ADK: variants seen among roughly 807,000 people sequenced by gnomAD.
The protein encoded by ADK is adenosine kinase.
A neutral mutation model predicts 44.7 loss-of-function variants in ADK; 24 were observed. The ratio of observed to expected loss-of-function variants is 0.54; its 90% CI spans 0.39 to 0.76. ADK has a LOEUF of 0.76. Ranked by LOEUF, ADK falls within the 30% of genes least tolerant of loss-of-function variation. The pLI, the probability that ADK is intolerant of heterozygous loss-of-function variation, is 0.00. For missense variants in ADK, 321 were observed against 425.1 expected (o/e 0.76, Z 2.15); for synonymous variants, 128 against 142.6 (o/e 0.90, Z 0.73).
intron 7 of ADK, among the ~76,000 whole-genome samples, chr10:74,588,532 G>A (rs1405002250): frequency 1.3e-5 from 2 of 152,088 alleles, no homozygotes; most frequent in Non-Finnish European, 2.9e-5. Context: ...TAGACTGCAA[G>A]TTACTGGACT....
intron 10 of ADK, among the ~76,000 whole-genome samples, chr10:74,699,701 G>A (rs1198741458): frequency 3.9e-5 from 6 of 152,120 alleles, no homozygotes; most frequent in Non-Finnish European, 7.4e-5. Flanking sequence ...AAAATAGAGG[G>A]TGAAAGACCA....
intron 9 of ADK, among the ~76,000 whole-genome samples, chr10:74,607,118 C>T (rs1416847844): frequency 2.0e-5 from 3 of 152,156 alleles, no homozygotes; most frequent in Non-Finnish European, 2.9e-5. Flanking sequence ...TTTGAACCTA[C>T]GTGTGTCTTT....
At chr10:74,300,287 CTTCCTTCCTTCCTTCCTTCCTTCT>C (rs1372005200) in intron 3 of ADK, among the ~76,000 whole-genome samples, 2,428 of 82,248 alleles carry the variant, frequency 0.03, 121 homozygotes, top group African/African-American at 0.053. Flanking sequence ...TCCTTCCTTC[CTTCCTTCCTTCCTTCCTTCCTTCT>C]TTCCTTCCTT....
chr10:74,314,750 G>T lies in ADK; in HGVS notation c.273+5G>T. 1.9e-6 allele frequency: 3 copies of T among 1,600,610 alleles called. No homozygotes were observed. The stretch of plus-strand genomic sequence containing the variant: ...AATTCAATTAAAGTGGCTCAGGTTG[G>T]TTAATTATTTTAAAAGTTAAAAGGA... On this transcript the variant is annotated splice_donor_5th_base_variant and intron_variant, in intron 4 of 10. Transcript: ENST00000539909.
At chr10:74,626,474 T>G (rs1454117178) in intron 9 of ADK, among the ~76,000 whole-genome samples, 1 of 152,064 alleles carries the variant, frequency 6.6e-6, no homozygotes, top group East Asian at 1.9e-4. Context: ...GCTAATTTTT[T>G]GTATTTTTAG....
At chr10:74,269,878 G>T (rs187102229) in intron 3 of ADK, among the ~76,000 whole-genome samples, 81 of 152,184 alleles carry the variant, frequency 5.3e-4, no homozygotes, top group Admixed American at 2.2e-3. Flanking sequence ...CGTGCCAGTA[G>T]TCCCAGCTAC....
At chr10:74,449,015 A>G (rs2133177237) in intron 6 of ADK, among the ~76,000 whole-genome samples, 1 of 152,326 alleles carries the variant, frequency 6.6e-6, no homozygotes, top group South Asian at 2.1e-4. Context: ...TAGGGAAGAT[A>G]GAGTGAGAAT....
chr10:74,695,504 GT>G (rs1856150270), intron 10 of ADK, among the ~76,000 whole-genome samples: 1 of 150,848 alleles, frequency 6.6e-6, no homozygotes, highest in African/African-American at 2.4e-5. Flanking sequence ...GTGTATGTGT[GT>G]ATGTGTGTAT....
At chr10:74,496,960 C>G (rs1847711801) in intron 6 of ADK, among the ~76,000 whole-genome samples, 1 of 151,798 alleles carries the variant, frequency 6.6e-6, no homozygotes, top group Non-Finnish European at 1.5e-5. Context: ...ATTCTGTTTT[C>G]TTTCTCCTCC....
intron 7 of ADK, chr10:74,529,182 A>G (rs918459332): frequency 6.6e-6 from 1 of 152,228 alleles, no homozygotes; most frequent in African/African-American, 2.4e-5. Flanking sequence ...AGCCTTAAAT[A>G]AAATTTTGAT....
At chr10:74,689,190 A>C (rs1469010178) in intron 10 of ADK, among the ~76,000 whole-genome samples, 1 of 152,060 alleles carries the variant, frequency 6.6e-6, no homozygotes, top group African/African-American at 2.4e-5. Flanking sequence ...TGGAGCTTGC[A>C]GTGAGCCAAG....
intron 7 of ADK, among the ~76,000 whole-genome samples, chr10:74,538,461 A>G (rs1849527286): frequency 6.6e-6 from 1 of 152,216 alleles, no homozygotes; most frequent in African/African-American, 2.4e-5. Flanking sequence ...AATCTCGTTT[A>G]TCAACAAACG....
chr10:74,216,001 AC>A (rs1844001001), intron 2 of ADK, among the ~76,000 whole-genome samples: 1 of 152,018 alleles, frequency 6.6e-6, no homozygotes, highest in Non-Finnish European at 1.5e-5. Flanking sequence ...GTGATTTGAT[AC>A]CCCTTTTATT....
intron 8 of ADK, among the ~76,000 whole-genome samples, chr10:74,592,159 T>TTA (rs1012518829): frequency 3.9e-5 from 6 of 152,060 alleles, no homozygotes; most frequent in Admixed American, 3.9e-4. Context: ...GAGGATTTTT[T>TTA]TATATATATA....
At chr10:74,342,976 C>T (rs1841636294) in intron 4 of ADK, among the ~76,000 whole-genome samples, 1 of 151,850 alleles carries the variant, frequency 6.6e-6, no homozygotes, top group Admixed American at 6.6e-5. Flanking sequence ...AACTATTTTC[C>T]CCCTTCCTTA....
intron 6 of ADK, among the ~76,000 whole-genome samples, chr10:74,430,538 T>G (rs1001668158): frequency 1.6e-4 from 24 of 152,138 alleles, no homozygotes; most frequent in Non-Finnish European, 1.5e-5. Context: ...GAGAATTGCT[T>G]GAGGCCAGAA....
At chr10:74,623,122 A>G (rs1005879974) in intron 9 of ADK, among the ~76,000 whole-genome samples, 1 of 152,220 alleles carries the variant, frequency 6.6e-6, no homozygotes, top group Non-Finnish European at 1.5e-5. Context: ...TCAACCAGAA[A>G]CAACTTTCCC....
intron 6 of ADK, among the ~76,000 whole-genome samples, chr10:74,464,649 A>G (rs938949867): frequency 9.2e-5 from 14 of 152,240 alleles, no homozygotes; most frequent in African/African-American, 2.9e-4. Flanking sequence ...ATAACTTCCA[A>G]TATCCCAAAA....
At chr10:74,189,172 A>T (rs893875050) in intron 1 of ADK, among the ~76,000 whole-genome samples, 5 of 151,964 alleles carry the variant, frequency 3.3e-5, no homozygotes, top group African/African-American at 1.2e-4. Context: ...TACAATTTCG[A>T]TGTGTTCAAT....
Sources: gnomAD v4.1 joint callset for allele counts (sites outside exome capture counted in the v4.1 genomes callset) on GRCh38, gnomAD v4.1.1 for gene constraint, MANE v1.5 for transcripts, NCBI Gene and HGNC (gene_info 2026-07-23, HGNC 2026-07-21) for gene names.